Variants in FMO5 observed in about 807,000 individuals in gnomAD.
FMO5 encodes the protein flavin containing dimethylaniline monoxygenase 5.
In FMO5, 51 loss-of-function variants were observed where a neutral mutation model predicts 43.6. The observed-to-expected ratio is 1.17, with a 90% CI of 0.93 to 1.48. The LOEUF is 1.48. Among genes scored for constraint, FMO5 ranks in the 40% most tolerant of loss-of-function variants. The pLI, the probability that FMO5 is intolerant of heterozygous loss-of-function variation, is 0.00. For missense variants in FMO5, 644 were observed against 643.0 expected, an observed-to-expected ratio of 1.00 and a Z score of -0.02; for synonymous variants, 187 against 216.5, an observed-to-expected ratio of 0.86 and a Z score of 1.20.
intron 2 of FMO5, among the ~76,000 whole-genome samples, chr1:147,221,497 T>C (rs973812084): frequency 1.3e-5 from 2 of 152,206 alleles, no homozygotes; most frequent in Non-Finnish European, 2.9e-5. Flanking sequence ...AATTAATGAA[T>C]GGCAAGGTCA....
chr1:147,225,069 A>C lies in FMO5; in HGVS notation c.-37-3T>G. 6.2e-7 allele frequency: 1 copy of C among 1,613,284 alleles called. No homozygotes were observed. The highest frequency in any genetic ancestry group is 8.5e-7 in the Non-Finnish European group (1 of 1,179,628). On this transcript the variant is annotated splice_region_variant and splice_polypyrimidine_tract_variant and intron_variant, in intron 1 of 8. Transcript: ENST00000254090. The stretch of plus-strand genomic sequence containing the variant: ...TTCACCTGTTAGTGTCGCCTGTCCT[A>C]AAGAAAGGATGACAAAAGACAAAAA...
intron 8 of FMO5, 52 bp from the exon 9 acceptor site, chr1:147,187,297 T>C (rs1553917406): frequency 1.5e-6 from 2 of 1,361,622 alleles, no homozygotes; most frequent in Non-Finnish European, 2.0e-6. Context: ...AATCAGTCAG[T>C]CAATCAATTA....
intron 7 of FMO5, among the ~76,000 whole-genome samples, chr1:147,197,439 C>A (rs1658199161): frequency 6.6e-6 from 1 of 152,100 alleles, no homozygotes; most frequent in South Asian, 2.1e-4. Flanking sequence ...TGTGTCCCCA[C>A]CCAAATCTTA....
chr1:147,191,894 T>A (rs1241029079), intron 7 of FMO5, among the ~76,000 whole-genome samples: 3 of 152,134 alleles, frequency 2.0e-5, no homozygotes, highest in African/African-American at 7.2e-5. Context: ...ACCAGTACCA[T>A]GCTGTTTTGG....
At position 147,202,634 on chromosome 1, in the gene FMO5, T is replaced by C. The variant is rs587759787; in HGVS notation, c.831-1130A>G. ...CACCTGGCCTAAAAAGTAGTCTTAA[T>C]GCCTGAATACTATATTAACTCATCT... On this transcript the variant is annotated intron_variant, in intron 6 of 8. Transcript: ENST00000254090. 9.2e-5 allele frequency among the ~76,000 whole-genome samples: 14 copies of C among 152,258 alleles called. No individual in the cohort carries two copies. The East Asian group carries it at 2.5e-3, about 27-fold the overall frequency.
intron 7 of FMO5, among the ~76,000 whole-genome samples, chr1:147,195,667 G>A (rs1197262951): frequency 2.0e-5 from 3 of 152,124 alleles, no homozygotes; most frequent in Non-Finnish European, 4.4e-5. Context: ...ACAATGCTAA[G>A]CTTAAACAAT....
intron 7 of FMO5, among the ~76,000 whole-genome samples, chr1:147,193,396 T>G (rs1257254624): frequency 2.0e-5 from 3 of 152,152 alleles, no homozygotes; most frequent in Admixed American, 2.0e-4. Context: ...GATTCTTCTC[T>G]TTTCTTCTTT....
chr1:147,218,619 A>G (rs1452417849), intron 2 of FMO5, among the ~76,000 whole-genome samples: 4 of 152,178 alleles, frequency 2.6e-5, no homozygotes, highest in Admixed American at 1.3e-4. Context: ...ACTGCTTAAT[A>G]GTTTCTCTTG....
At position 147,197,008 on chromosome 1, in the gene FMO5, C is replaced by T. The variant is rs1303333358; in HGVS notation, c.1183+4144G>A. Among the ~76,000 whole-genome samples, 3 of 152,184 alleles carry T rather than the reference C, an allele frequency of 2.0e-5. No individual in the cohort carries two copies. The East Asian group carries it at 5.8e-4, about 29-fold the overall frequency. On this transcript the variant is annotated intron_variant, in intron 7 of 8. Transcript: ENST00000254090. Reference sequence around the variant, plus strand: ...ACTCCTCTCTAACATATCTTCTAAACTGGAGATCTGATTTGACTCCTCTTC... The same window carrying T: ...ACTCCTCTCTAACATATCTTCTAAATTGGAGATCTGATTTGACTCCTCTTC...
At chr1:147,201,567 T>C in intron 6 of FMO5, 63 bp from the exon 7 acceptor site, 1 of 1,366,986 alleles carries the variant, frequency 7.3e-7, no homozygotes, top group South Asian at 1.3e-5. Context: ...ACCACATAAG[T>C]AAAATTTTGC....
chr1:147,191,102 G>A (rs587655727), intron 7 of FMO5, among the ~76,000 whole-genome samples: 1 of 152,052 alleles, frequency 6.6e-6, no homozygotes, highest in Non-Finnish European at 1.5e-5. Flanking sequence ...ATTTGGCTTG[G>A]TTCCAAGACT....
rs1179675859 is a variant in FMO5, at chr1:147,186,999, T to G, written c.1503A>C (p.Thr501=). 1.9e-6 allele frequency: 3 copies of G among 1,614,102 alleles called. No homozygotes were observed. The African/African-American group carries it at 4.0e-5, about 22-fold the overall frequency. ...TDDRIRKPLM[T]RVVERSSSMT... is the part of the protein sequence containing the mutation. Reference sequence around the variant, plus strand: ...TAGAACTACTCCTTTCAACTACTCTTGTCATCAGAGGCTTCCTGATGCGAT... The same window carrying G: ...TAGAACTACTCCTTTCAACTACTCTGGTCATCAGAGGCTTCCTGATGCGAT... Residue 501 remains threonine, a synonymous_variant, in exon 9 of 9, where the codon ACA becomes ACC. Transcript: ENST00000254090.
rs11374254 is a variant in FMO5 at position 147,208,444 on chromosome 1, C to CTTTTT, written c.830+403_830+407dup. The CTTTTT allele has an allele frequency of 2.3e-4, 33 of 145,610 alleles. 6 individuals carry two copies. The highest frequency in any genetic ancestry group is 4.1e-4 in the Admixed American group (6 of 14,688). 9.0% of individuals were successfully genotyped at this position (145,610 alleles called of 1,614,324 possible). A position where few individuals can be genotyped will look rare whatever the true frequency, so the allele number is the denominator to read the frequency against. On this transcript the variant is annotated intron_variant, in intron 6 of 8. Coordinates refer to ENST00000254090, the MANE Select transcript of FMO5 (RefSeq NM_001461.4). Reference sequence around the variant, plus strand: ...TATAGGCTTTCTTTTCTTTTCTTTTCTTTTTTTTTTTTTCTTTTTGAGACA... The same window carrying CTTTTT: ...TATAGGCTTTCTTTTCTTTTCTTTTCTTTTTTTTTTTTTTTTTTCTTTTTGAGACA...
intron 7 of FMO5, among the ~76,000 whole-genome samples, chr1:147,193,009 T>A (rs1438013043): frequency 6.6e-6 from 1 of 152,176 alleles, no homozygotes; most frequent in Non-Finnish European, 1.5e-5. Flanking sequence ...GGTATCAGGA[T>A]GATGCTGGCC....
rs1553923093 is a variant in FMO5 at position 147,208,977 on chromosome 1, C to T, written c.705G>A (p.Leu235=). 2.5e-6 allele frequency: 4 copies of T among 1,613,912 alleles called. No homozygotes were observed. The highest frequency in any genetic ancestry group is 3.4e-6 in the Non-Finnish European group (4 of 1,179,916). Residue 235 remains leucine, a synonymous_variant, in exon 6 of 9, where the codon TTG becomes TTA. Transcript: ENST00000254090. ...VGDYGYPADV[L]FSSRLTHFIW... ...TAAAATGTGTAAGTCGAGAAGAGAA[C>T]AACACATCAGCAGGATATCCGTAGT...
At chr1:147,189,242 C>T (rs782562541) in intron 8 of FMO5, among the ~76,000 whole-genome samples, 54 of 151,292 alleles carry the variant, frequency 3.6e-4, no homozygotes, top group Non-Finnish European at 5.9e-4. Context: ...CCACTTACTC[C>T]AGCCTGAGTG....
intron 6 of FMO5, 194 bp downstream of exon 6, chr1:147,208,658 C>G (rs1660540905): frequency 2.1e-6 from 1 of 477,706 alleles, no homozygotes. Context: ...AGGATGGTCT[C>G]AAACTCCTGA....
intron 2 of FMO5, 78 bp downstream of exon 2, chr1:147,224,817 C>A: frequency 6.9e-7 from 1 of 1,448,208 alleles, no homozygotes; most frequent in Admixed American, 1.7e-5. Flanking sequence ...GGCCACCTGA[C>A]ACTGTTAAGA....
At chr1:147,225,915 C>A (rs1553927683), upstream of FMO5, 1 of 152,188 alleles carries the variant, frequency 6.6e-6, no homozygotes, top group Non-Finnish European at 1.5e-5. Flanking sequence ...TTAAGGGGTC[C>A]ACGTGAAAGG....
Sources: allele counts gnomAD v4.1 joint callset (sites outside exome capture counted in the v4.1 genomes callset), GRCh38; gene constraint gnomAD v4.1.1; transcripts MANE v1.5; gene names NCBI Gene and HGNC (gene_info 2026-07-23, HGNC 2026-07-21).